CCDC171: variants seen among roughly 807,000 people sequenced by gnomAD.
CCDC171 encodes the protein coiled-coil domain-containing protein 171.
A neutral mutation model predicts 168.2 loss-of-function variants in CCDC171; 177 were observed. The observed-to-expected ratio is 1.05, with a 90% CI of 0.93 to 1.19. CCDC171 has a LOEUF of 1.19. CCDC171 is among the 50% of genes most tolerant of loss of function. The pLI is 0.00. For synonymous variants in CCDC171, 687 were observed against 540.8 expected (o/e 1.27, Z -3.75); for missense variants, 1,991 against 1,539.0 (o/e 1.29, Z -4.91).
At chr9:15,613,875 T>C (rs772881750) in intron 6 of CCDC171, among the ~76,000 whole-genome samples, 2 of 152,254 alleles carry the variant, frequency 1.3e-5, no homozygotes, top group East Asian at 1.9e-4. Flanking sequence ...TTTTATATTG[T>C]TGATTGTGAC....
At chr9:16,106,753 G>T in the CCDC171 span, among the ~76,000 whole-genome samples, 59 of 152,308 alleles carry the variant, frequency 3.9e-4, no homozygotes, top group African/African-American at 1.1e-3. Flanking sequence ...GGTAAAATAT[G>T]CTAAACAATA....
At chr9:15,905,133 G>T (rs1822354717) in intron 24 of CCDC171, among the ~76,000 whole-genome samples, 1 of 152,186 alleles carries the variant, frequency 6.6e-6, no homozygotes, top group African/African-American at 2.4e-5. Flanking sequence ...AGTTAACAAA[G>T]ATATCCAGGA....
intron 25 of CCDC171, among the ~76,000 whole-genome samples, chr9:15,936,419 C>G (rs112182505): frequency 3.3e-5 from 5 of 152,020 alleles, no homozygotes; most frequent in Admixed American, 1.3e-4. Flanking sequence ...AATTTACAAT[C>G]AGAACACACA....
chr9:15,560,674 A>G (rs2039221742), intron 1 of CCDC171, among the ~76,000 whole-genome samples: 1 of 152,106 alleles, frequency 6.6e-6, no homozygotes, highest in African/African-American at 2.4e-5. Flanking sequence ...GGGTTTGAAC[A>G]TCCTCCTTTA....
At chr9:15,676,382 C>T (rs889222402) in intron 9 of CCDC171, among the ~76,000 whole-genome samples, 3 of 152,006 alleles carry the variant, frequency 2.0e-5, no homozygotes, top group Admixed American at 6.6e-5. Context: ...TCTGTCAACT[C>T]GTCAAACTCA....
chr9:16,100,308 A>G, the CCDC171 span, among the ~76,000 whole-genome samples: 1 of 152,158 alleles, frequency 6.6e-6, no homozygotes, highest in African/African-American at 2.4e-5. Context: ...CCCCACTCAG[A>G]TTGATTTCAT....
intron 7 of CCDC171, among the ~76,000 whole-genome samples, chr9:15,629,062 A>G (rs2045441877): frequency 6.6e-6 from 1 of 152,170 alleles, no homozygotes; most frequent in South Asian, 2.1e-4. Context: ...AAAAGTAGAT[A>G]AAACCACAAA....
At chr9:16,046,374 T>C (rs1274154021) in intron 1 of CCDC171, among the ~76,000 whole-genome samples, 1 of 152,194 alleles carries the variant, frequency 6.6e-6, no homozygotes, top group African/African-American at 2.4e-5. Context: ...AGAGCTGTGG[T>C]TGTGTTCCAC....
At position 15,723,572 on chromosome 9, in the gene CCDC171, T is replaced by A. The variant is rs1258007951; in HGVS notation, c.1426-109T>A. 4.3e-6 allele frequency: 3 copies of A among 700,156 alleles called. No individual in the cohort carries two copies. The Admixed American group carries it at 9.4e-5, about 22-fold the overall frequency. The allele number at this position is 700,156 out of a possible 1,614,324, so 43.4% of individuals were successfully genotyped here. ...TATTGAAAAATTTGTATTTAAGTAA[T>A]TGCATAAAAAGCACTTAAAGATTAA... On this transcript the variant is annotated intron_variant, in intron 12 of 25. Coordinates refer to ENST00000380701, the MANE Select transcript of CCDC171 (RefSeq NM_173550.4).
chr9:15,759,643 C>T (rs202021806), intron 18 of CCDC171, among the ~76,000 whole-genome samples: 1 of 152,052 alleles, frequency 6.6e-6, no homozygotes, highest in East Asian at 1.9e-4. Flanking sequence ...TAGAATATCC[C>T]TTAGTTTTGA....
At chr9:15,604,046 C>A (rs939026659) in intron 6 of CCDC171, among the ~76,000 whole-genome samples, 11 of 144,816 alleles carry the variant, frequency 7.6e-5, no homozygotes, top group African/African-American at 1.3e-4. Context: ...GCATGTATGT[C>A]TTTTTTTTTG....
intron 21 of CCDC171, among the ~76,000 whole-genome samples, chr9:15,795,056 G>C (rs2058482878): frequency 6.6e-6 from 1 of 152,176 alleles, no homozygotes; most frequent in South Asian, 2.1e-4. Context: ...AGCACAGATG[G>C]AGTAATTAAA....
At chr9:15,952,293 G>A (rs1287580383) in intron 25 of CCDC171, among the ~76,000 whole-genome samples, 6 of 152,146 alleles carry the variant, frequency 3.9e-5, no homozygotes, top group Non-Finnish European at 8.8e-5. Context: ...TTAGTAGTAA[G>A]TTTTGAAATC....
At chr9:15,943,860 T>A (rs1827994826) in intron 25 of CCDC171, among the ~76,000 whole-genome samples, 1 of 151,812 alleles carries the variant, frequency 6.6e-6, no homozygotes, top group African/African-American at 2.4e-5. Flanking sequence ...GCTCATGGGG[T>A]TTGAAAAGAT....
chr9:15,656,246 C>T (rs188192069), intron 7 of CCDC171, among the ~76,000 whole-genome samples: 5 of 150,828 alleles, frequency 3.3e-5, no homozygotes, highest in South Asian at 2.1e-4. Flanking sequence ...GGTATGAACC[C>T]GGGAGGTAGA....
intron 1 of CCDC171, among the ~76,000 whole-genome samples, chr9:15,556,922 G>A (rs865993095): frequency 1.4e-4 from 21 of 152,220 alleles, no homozygotes; most frequent in African/African-American, 4.6e-4. Context: ...TTTGTGTAAG[G>A]TATAAGGAAG....
chr9:15,600,250 T>C (rs544202987), intron 6 of CCDC171, among the ~76,000 whole-genome samples: 1 of 152,282 alleles, frequency 6.6e-6, no homozygotes, highest in Non-Finnish European at 1.5e-5. Flanking sequence ...CTCTGTTTTT[T>C]CCCCATCTTT....
intron 16 of CCDC171, among the ~76,000 whole-genome samples, chr9:15,737,031 G>C (rs1013808846): frequency 5.3e-5 from 8 of 151,864 alleles, no homozygotes; most frequent in Non-Finnish European, 1.2e-4. Flanking sequence ...GTGCTACATT[G>C]TCAGCCACCC....
intron 2 of CCDC171, among the ~76,000 whole-genome samples, chr9:15,568,617 G>C (rs1280511456): frequency 6.6e-6 from 1 of 152,104 alleles, no homozygotes; most frequent in Admixed American, 6.5e-5. Context: ...GTGTGAGATG[G>C]TATCTCATTG....
Sources: gnomAD v4.1 joint callset for allele counts (sites outside exome capture counted in the v4.1 genomes callset) on GRCh38, gnomAD v4.1.1 for gene constraint, MANE v1.5 for transcripts, NCBI Gene and HGNC (gene_info 2026-07-23, HGNC 2026-07-21) for gene names.